PCDHGA10: variants seen among roughly 807,000 people sequenced by gnomAD.
The protein encoded by PCDHGA10 is protocadherin gamma-A10.
Under a neutral mutation model 59.5 loss-of-function variants are expected in PCDHGA10, and 42 were observed. The ratio of observed to expected loss-of-function variants is 0.71; its 90% CI spans 0.55 to 0.91. The LOEUF is 0.91. PCDHGA10 is among the 40% of genes least tolerant of loss of function. The pLI is 0.00. For synonymous variants in PCDHGA10, 511 were observed against 517.2 expected, an observed-to-expected ratio of 0.99 and a Z score of 0.16; for missense variants, 1,111 against 1,198.2, an observed-to-expected ratio of 0.93 and a Z score of 1.07.
rs759272109 is a variant in PCDHGA10, at chr5:141,420,170, G to A, written c.2436+4559G>A. ...TCCAGAATTTAATTTTTTCACATCTGTTGATCATTGTCCAGCCACACAAGA... is the reference window on the plus strand; with the variant it reads ...TCCAGAATTTAATTTTTTCACATCTATTGATCATTGTCCAGCCACACAAGA... On this transcript the variant is annotated intron_variant, in intron 1 of 3. Coordinates refer to ENST00000398610, the MANE Select transcript of PCDHGA10 (RefSeq NM_018913.3). 22 of 1,613,846 alleles carry A rather than the reference G, an allele frequency of 1.4e-5. No homozygotes were observed. Among genetic ancestry groups the A allele is most frequent in the Non-Finnish European group, 1.8e-5 (21 of 1,179,888 alleles).
At position 141,432,957 on chromosome 5, in the gene PCDHGA10, C is replaced by T. The variant is rs2097553676; in HGVS notation, c.2436+17346C>T. 1 of 1,614,190 alleles carries T rather than the reference C, an allele frequency of 6.2e-7. No individual in the cohort carries two copies. The highest frequency in any genetic ancestry group is 8.5e-7 in the Non-Finnish European group (1 of 1,180,030). ...CTGCAGGCTTCAGGAGGCGGCTTGA[C>T]AGGAGCGCCGGCGTCGCACTTTGTG... On this transcript the variant is annotated intron_variant, in intron 1 of 3. Coordinates refer to ENST00000398610, the MANE Select transcript of PCDHGA10 (RefSeq NM_018913.3). This position sits in a 1 kb window ranked among gnomAD's most constrained non-coding sequence, Gnocchi z 6.0.
rs556099456 is a variant in PCDHGA10, at chr5:141,430,033, C to A, written c.2436+14422C>A. ...ACTTGGGTTCTTGTTAAGTGTGATT[C>A]TGATAATGTATACAATCACATATCA... On this transcript the variant is annotated intron_variant, in intron 1 of 3. Coordinates refer to ENST00000398610, the MANE Select transcript of PCDHGA10 (RefSeq NM_018913.3). 1.2e-4 allele frequency among the ~76,000 whole-genome samples: 18 copies of A among 152,184 alleles called. 1 individual carries two copies. In the South Asian group the frequency reaches 3.3e-3, roughly 28 times the overall value.
Position 141,432,880 on chromosome 5 carries a change from C to T in PCDHGA10, c.2436+17269C>T, listed in dbSNP as rs865848752. ...CGGTCTCCTGCGTCTTCCTGGCCTT[C>T]GTCATCTTGCTGCTGGCGCTCAGGC... On this transcript the variant is annotated intron_variant, in intron 1 of 3. Transcript: ENST00000398610. The surrounding 1 kb of genome is among the most constrained non-coding windows in gnomAD (Gnocchi z 6.0). 1 of 1,614,194 alleles carries T rather than the reference C, an allele frequency of 6.2e-7. No individual in the cohort carries two copies. Among genetic ancestry groups the T allele is most frequent in the Non-Finnish European group, 8.5e-7 (1 of 1,180,008 alleles).
At chr5:141,445,213 A>C (rs775782586) in intron 1 of PCDHGA10, among the ~76,000 whole-genome samples, 1 of 152,226 alleles carries the variant, frequency 6.6e-6, no homozygotes, top group Non-Finnish European at 1.5e-5. Context: ...TTGAAAAGTA[A>C]GAGGTGCAAA....
At chr5:141,481,618 G>C (rs1339565594) in intron 1 of PCDHGA10, among the ~76,000 whole-genome samples, 1 of 152,142 alleles carries the variant, frequency 6.6e-6, no homozygotes, top group African/African-American at 2.4e-5. Context: ...AGGAGTTCAA[G>C]ACCGGCCTGG....
chr5:141,477,224 G>C lies in PCDHGA10; in HGVS notation c.2437-17583G>C. 6.2e-7 allele frequency: 1 copy of C among 1,614,200 alleles called. No individual in the cohort carries two copies. The highest frequency in any genetic ancestry group is 8.5e-7 in the Non-Finnish European group (1 of 1,180,046). Reference sequence around the variant, plus strand: ...ACCCGAGGATGCCCCTCTGGGGACTGTCATCGCTTTGCTCAGTGTGACTGA... The same window carrying C: ...ACCCGAGGATGCCCCTCTGGGGACTCTCATCGCTTTGCTCAGTGTGACTGA... On this transcript the variant is annotated intron_variant, in intron 1 of 3. Transcript: ENST00000398610. The surrounding 1 kb of genome is among the most constrained non-coding windows in gnomAD (Gnocchi z 4.9).
At chr5:141,443,055 C>G (rs994152277) in intron 1 of PCDHGA10, among the ~76,000 whole-genome samples, 1 of 152,208 alleles carries the variant, frequency 6.6e-6, no homozygotes, top group Non-Finnish European at 1.5e-5. Flanking sequence ...TATTGTTCCA[C>G]TGAAGAGCGT....
rs1023140435 is a variant in PCDHGA10, at chr5:141,415,749, T to G, written c.2436+138T>G. The G allele has an allele frequency of 4.7e-4, 569 of 1,213,970 alleles. 1 individual carries two copies. Among genetic ancestry groups the G allele is most frequent in the Admixed American group, 3.5e-3 (90 of 25,886 alleles). The allele number at this position is 1,213,970 out of a possible 1,614,324, so 75.2% of individuals were successfully genotyped here. The stretch of plus-strand genomic sequence containing the variant: ...TTTGATGTTTATTAAGGTTTTTTTT[T>G]TTTTTTTTTTTTTTTTTTTTTTTAC... On this transcript the variant is annotated intron_variant, in intron 1 of 3. Transcript: ENST00000398610.
intron 1 of PCDHGA10, chr5:141,423,905 G>T: frequency 7.9e-7 from 1 of 1,273,594 alleles, no homozygotes; most frequent in Non-Finnish European, 9.9e-7. Flanking sequence ...GATTTCAAAG[G>T]GGCCATTCAA....
At chr5:141,427,519 G>A (rs1428732557) in intron 1 of PCDHGA10, 1 of 602,000 alleles carries the variant, frequency 1.7e-6, no homozygotes, top group Non-Finnish European at 3.1e-6. Context: ...GATTGGGAGC[G>A]GATCCCGGAG....
chr5:141,501,374 T>A (rs2099808767), intron 2 of PCDHGA10, among the ~76,000 whole-genome samples: 1 of 151,106 alleles, frequency 6.6e-6, no homozygotes. Context: ...CATCATCTCT[T>A]AAATCCTAGG....
chr5:141,477,010 C>G lies in PCDHGA10; in HGVS notation c.2437-17797C>G. On this transcript the variant is annotated intron_variant, in intron 1 of 3. Coordinates refer to ENST00000398610, the MANE Select transcript of PCDHGA10 (RefSeq NM_018913.3). This position sits in a 1 kb window ranked among gnomAD's most constrained non-coding sequence, Gnocchi z 4.9. ...GCGTGCGGCAACTATTCGCCTTAGA[C>G]CTTGTAACCGGGATGCTGACAATCA... 4 of 1,614,260 alleles carry G rather than the reference C, an allele frequency of 2.5e-6. No homozygotes were observed. Among genetic ancestry groups the G allele is most frequent in the Non-Finnish European group, 2.5e-6 (3 of 1,180,052 alleles).
rs376057952 is a variant in PCDHGA10 at position 141,417,907 on chromosome 5, A to G, written c.2436+2296A>G. On this transcript the variant is annotated intron_variant, in intron 1 of 3. Transcript: ENST00000398610. Reference sequence around the variant, plus strand: ...GGCGCCGGGCCGGCCCGCGGCAGGTACTATTTCCTTTGCTGCTGCCTTTGT... The same window carrying G: ...GGCGCCGGGCCGGCCCGCGGCAGGTGCTATTTCCTTTGCTGCTGCCTTTGT... The G allele has an allele frequency of 3.6e-4, 571 of 1,596,132 alleles. 2 individuals are homozygous for G. In the African/African-American group the frequency reaches 5.1e-3, roughly 14 times the overall value.
intron 1 of PCDHGA10, chr5:141,427,780 TGTCGTCCTAC>T (rs892399327): frequency 8.9e-6 from 13 of 1,455,886 alleles, no homozygotes; most frequent in Middle Eastern, 1.7e-4. Context: ...CTGCGGGCAC[TGTCGTCCTAC>T]GTGTCCGTGA....
chr5:141,433,408 A>ATCTATCTATCT (rs1413347413), intron 1 of PCDHGA10, among the ~76,000 whole-genome samples: 6 of 127,280 alleles, frequency 4.7e-5, no homozygotes, highest in African/African-American at 1.8e-4. Context: ...TCTATCTATT[A>ATCTATCTATCT]CTTTCTTGTA....
intron 1 of PCDHGA10, 129 bp downstream of exon 1, chr5:141,415,740 G>GTTTTTTTTTTTTTGTTT (rs2095912299): frequency 1.9e-6 from 1 of 515,998 alleles, no homozygotes; most frequent in Non-Finnish European, 2.6e-6. Context: ...GTTTATTAAG[G>GTTTTTTTTTTTTTGTTT]TTTTTTTTTT....
chr5:141,454,842 C>T lies in PCDHGA10; in HGVS notation c.2436+39231C>T, dbSNP rs543795114. 1.2e-4 allele frequency among the ~76,000 whole-genome samples: 12 copies of T among 101,680 alleles called. No homozygotes were observed. The East Asian group carries it at 3.9e-3, about 33-fold the overall frequency. 66.7% of individuals were successfully genotyped at this position (101,680 alleles called of 152,430 possible). ...TTTTTTTTTGAGACAGAGTCGCGCTCTGTCACCCAGGCTGGAGTGCAGTGG... is the reference window on the plus strand; with the variant it reads ...TTTTTTTTTGAGACAGAGTCGCGCTTTGTCACCCAGGCTGGAGTGCAGTGG... On this transcript the variant is annotated intron_variant, in intron 1 of 3. Coordinates refer to ENST00000398610, the MANE Select transcript of PCDHGA10 (RefSeq NM_018913.3).
In PCDHGA10 at chr5:141,428,010, G is replaced by C. The variant is rs544491298; in HGVS notation, c.2436+12399G>C. The C allele has an allele frequency of 1.2e-4, 192 of 1,603,004 alleles. 6 individuals are homozygous for C. In the South Asian group the frequency reaches 2.0e-3, roughly 17 times the overall value. ...CGATGGCTCCGCACTCTTCGATATA[G>C]TGCCACGCGCCGCAGAGTCCGGCTA... On this transcript the variant is annotated intron_variant, in intron 1 of 3. Transcript: ENST00000398610.
chr5:141,419,604 C>T (rs1279434352), intron 1 of PCDHGA10: 1 of 1,611,850 alleles, frequency 6.2e-7, no homozygotes, highest in East Asian at 2.2e-5. Flanking sequence ...CCGCGGGCCG[C>T]GCAGCCAGGC....
Sources: gnomAD v4.1 joint callset for allele counts (sites outside exome capture counted in the v4.1 genomes callset) on GRCh38, gnomAD v4.1.1 for gene constraint, Gnocchi (gnomAD v3.1) non-coding constraint, MANE v1.5 for transcripts, NCBI Gene and HGNC (gene_info 2026-07-23, HGNC 2026-07-21) for gene names.